Variants in NRG1 observed in about 807,000 individuals in gnomAD.
The protein encoded by NRG1 is pro-neuregulin-1, membrane-bound isoform.
In NRG1, 18 loss-of-function variants were observed where a neutral mutation model predicts 63.8. The ratio of observed to expected loss-of-function variants is 0.28; its 90% CI spans 0.19 to 0.42. The LOEUF (loss-of-function observed/expected upper bound fraction) is 0.42, where lower values mean the gene tolerates loss of function less well. Among genes scored for constraint, NRG1 ranks in the 10% least tolerant of loss-of-function variants. The pLI is 1.00. For synonymous variants in NRG1, 302 were observed against 301.3 expected (o/e 1.00, Z -0.02); for missense variants, 762 against 814.7 (o/e 0.94, Z 0.79).
intron 4 of NRG1, among the ~76,000 whole-genome samples, 184 bp from the exon 5 acceptor site, chr8:32,616,651 A>G (rs1172010626): frequency 1.3e-5 from 2 of 152,084 alleles, no homozygotes; most frequent in East Asian, 3.9e-4. Context: ...TTGGGTCTAG[A>G]CTATGGTAAT....
chr8:31,920,078 C>T lies in NRG1; in HGVS notation c.37+280647C>T, dbSNP rs181988936. ...TATTATTCCCTTGAGTAAAATAGGG[C>T]TTTGTTACAGCTAACCTAATAAGAA... is the stretch of plus-strand genomic sequence containing the variant. On this transcript the variant is annotated intron_variant, in intron 1 of 10. Transcript: ENST00000519301. 3.4e-3 allele frequency among the ~76,000 whole-genome samples: 522 copies of T among 152,076 alleles called. 2 individuals carry two copies. Among genetic ancestry groups the T allele is most frequent in the Non-Finnish European group, 5.7e-3 (388 of 67,976 alleles).
At chr8:32,738,597 A>T (rs1825674817) in intron 6 of NRG1, among the ~76,000 whole-genome samples, 1 of 152,172 alleles carries the variant, frequency 6.6e-6, no homozygotes, top group Admixed American at 6.6e-5. Context: ...ATCTTCCAGG[A>T]AAGTGATGGA....
chr8:32,542,258 C>T (rs190765600), intron 1 of NRG1, among the ~76,000 whole-genome samples: 159 of 152,244 alleles, frequency 1.0e-3, no homozygotes, highest in Non-Finnish European at 1.6e-4. Flanking sequence ...AGAGATTATA[C>T]TGATTAGTCC....
At chr8:32,086,242 A>C (rs1240735115) in intron 1 of NRG1, among the ~76,000 whole-genome samples, 1 of 152,242 alleles carries the variant, frequency 6.6e-6, no homozygotes, top group East Asian at 1.9e-4. Context: ...GAAAAATAAG[A>C]AACTTTCTTA....
At chr8:31,639,660 C>T in intron 1 of NRG1, 10 of 1,389,942 alleles carry the variant, frequency 7.2e-6, no homozygotes, top group South Asian at 3.2e-5. Flanking sequence ...CAGCAGGGCT[C>T]GGGCGCGGCG....
intron 1 of NRG1, among the ~76,000 whole-genome samples, chr8:31,932,404 G>C (rs1834943770): frequency 6.6e-6 from 1 of 152,212 alleles, no homozygotes; most frequent in Non-Finnish European, 1.5e-5. Context: ...AACGCTTTCA[G>C]ATGATGTAAG....
intron 1 of NRG1, among the ~76,000 whole-genome samples, chr8:31,858,835 T>C (rs1314657576): frequency 2.0e-5 from 3 of 152,198 alleles, no homozygotes; most frequent in Non-Finnish European, 2.9e-5. Context: ...AGAAGTTGAA[T>C]GCATTGGGTT....
chr8:31,764,380 G>C (rs921974336), intron 1 of NRG1, among the ~76,000 whole-genome samples: 1 of 152,060 alleles, frequency 6.6e-6, no homozygotes, highest in Admixed American at 6.6e-5. Context: ...TGCTTTTACA[G>C]CCATGATGAC....
At chr8:31,961,070 A>G (rs1014916548) in intron 1 of NRG1, among the ~76,000 whole-genome samples, 2 of 152,160 alleles carry the variant, frequency 1.3e-5, no homozygotes, top group Non-Finnish European at 2.9e-5. Context: ...GATTTGCGTT[A>G]AGAGGTTTGT....
intron 8 of NRG1, 94 bp from the exon 9 acceptor site, chr8:32,756,309 G>A (rs1829675677): frequency 2.8e-6 from 4 of 1,430,494 alleles, no homozygotes; most frequent in Non-Finnish European, 3.8e-6. Flanking sequence ...CTACTGCCTT[G>A]AACTACTCAT....
intron 1 of NRG1, among the ~76,000 whole-genome samples, chr8:32,446,273 G>A (rs567880785): frequency 6.6e-6 from 1 of 152,266 alleles, no homozygotes; most frequent in African/African-American, 2.4e-5. Context: ...AGAAGCAGCC[G>A]AGTGATTTAC....
At chr8:32,769,227 T>G (rs538295254), downstream of NRG1, among the ~76,000 whole-genome samples, 7 of 152,322 alleles carry the variant, frequency 4.6e-5, no homozygotes, top group Middle Eastern at 6.8e-3. Context: ...AAGCAGCTAT[T>G]GTAGTAATTT....
intron 1 of NRG1, among the ~76,000 whole-genome samples, chr8:32,556,995 T>G (rs534391991): frequency 1.3e-5 from 2 of 152,192 alleles, no homozygotes; most frequent in East Asian, 3.9e-4. Context: ...TAGGCATTGG[T>G]TTTTGTTTTT....
At chr8:31,843,206 C>T (rs1043990907) in intron 1 of NRG1, among the ~76,000 whole-genome samples, 29 of 152,148 alleles carry the variant, frequency 1.9e-4, no homozygotes, top group African/African-American at 7.0e-4. Flanking sequence ...AACAATGTGG[C>T]ATGATTACTC....
chr8:32,056,604 T>C (rs943907478), intron 1 of NRG1, among the ~76,000 whole-genome samples: 4 of 152,190 alleles, frequency 2.6e-5, no homozygotes, highest in Non-Finnish European at 4.4e-5. Flanking sequence ...ACATGTATAG[T>C]TTACTGACCT....
At chr8:32,516,268 T>TCTGTTTTTGTATCATTACCATG (rs1328618491) in intron 1 of NRG1, among the ~76,000 whole-genome samples, 2 of 152,236 alleles carry the variant, frequency 1.3e-5, no homozygotes, top group African/African-American at 4.8e-5. Context: ...GGTCTATGTG[T>TCTGTTTTTGTATCATTACCATG]CTGTTTTTGT....
At chr8:31,688,695 A>T (rs1809167333) in intron 1 of NRG1, among the ~76,000 whole-genome samples, 1 of 152,238 alleles carries the variant, frequency 6.6e-6, no homozygotes. Context: ...GTACGTGTAG[A>T]TTCACTAAAG....
chr8:31,880,853 C>T (rs1446505965), intron 1 of NRG1, among the ~76,000 whole-genome samples: 1 of 152,006 alleles, frequency 6.6e-6, no homozygotes, highest in African/African-American at 2.4e-5. Flanking sequence ...TTGTGTTTGA[C>T]AGCATAAATA....
At chr8:32,447,338 T>G (rs2129487849) in intron 1 of NRG1, among the ~76,000 whole-genome samples, 1 of 152,210 alleles carries the variant, frequency 6.6e-6, no homozygotes, top group South Asian at 2.1e-4. Flanking sequence ...ATACTTTTAA[T>G]AAGATTGTCT....
Sources: allele counts gnomAD v4.1 joint callset (sites outside exome capture counted in the v4.1 genomes callset), GRCh38; gene constraint gnomAD v4.1.1; transcripts MANE v1.5; gene names NCBI Gene and HGNC (gene_info 2026-07-23, HGNC 2026-07-21).